RPH3A: variants seen among roughly 807,000 people sequenced by gnomAD.
RPH3A encodes rabphilin 3A, also known as rabphilin-3A.
Under a neutral mutation model 102.2 loss-of-function variants are expected in RPH3A, and 48 were observed. The ratio of observed to expected loss-of-function variants is 0.47; its 90% CI spans 0.37 to 0.60. The LOEUF is 0.60. Among genes scored for constraint, RPH3A ranks in the 20% least tolerant of loss-of-function variants. RPH3A has a pLI of 0.00. For missense variants in RPH3A, 781 were observed against 910.1 expected (o/e 0.86, Z 1.83); for synonymous variants, 310 against 324.3 (o/e 0.96, Z 0.47).
In RPH3A at chr12:112,661,818, A is replaced by G. The variant is rs547563070; in HGVS notation, c.-140+86499A>G. ...CACTTCCGCTGATTAAAATGAAAAC[A>G]CTTTGTTTCTGTGGCAGCATTGAAC... is the stretch of plus-strand genomic sequence containing the variant. On this transcript the variant is annotated intron_variant, in intron 1 of 21. Coordinates refer to the RPH3A transcript ENST00000543106. Among the ~76,000 whole-genome samples, 20 of 152,082 alleles carry G rather than the reference A, an allele frequency of 1.3e-4. No homozygotes were observed. The South Asian group carries it at 4.0e-3, about 30-fold the overall frequency.
At chr12:112,747,281 T>C (rs2040755190) in intron 1 of RPH3A, among the ~76,000 whole-genome samples, 1 of 152,180 alleles carries the variant, frequency 6.6e-6, no homozygotes. Flanking sequence ...TTAGTGCTCT[T>C]ATGAAAGAGG....
chr12:112,655,303 A>G (rs1489555499), intron 1 of RPH3A, among the ~76,000 whole-genome samples: 2 of 152,222 alleles, frequency 1.3e-5, no homozygotes, highest in African/African-American at 4.8e-5. Flanking sequence ...AATTCTTCAC[A>G]TCAGCACTTG....
chr12:112,824,110 T>C (rs937869189), intron 2 of RPH3A, among the ~76,000 whole-genome samples: 2 of 152,064 alleles, frequency 1.3e-5, no homozygotes, highest in African/African-American at 4.8e-5. Context: ...AGGAACCTGC[T>C]AGGGAATGAG....
chr12:112,752,968 C>CTTTT (rs3037266), intron 1 of RPH3A, among the ~76,000 whole-genome samples: 23 of 118,878 alleles, frequency 1.9e-4, no homozygotes, highest in East Asian at 5.1e-4. Flanking sequence ...GTCCAGTTTT[C>CTTTT]TTTTTTTTTT....
At chr12:112,875,362 G>A (rs2042777668) in intron 11 of RPH3A, among the ~76,000 whole-genome samples, 192 bp downstream of exon 11, 2 of 152,222 alleles carry the variant, frequency 1.3e-5, no homozygotes, top group South Asian at 4.2e-4. Context: ...GTGGGAGGAG[G>A]AGGCAGGGAG....
intron 10 of RPH3A, among the ~76,000 whole-genome samples, chr12:112,870,391 T>C (rs890770602): frequency 2.0e-5 from 3 of 150,730 alleles, no homozygotes; most frequent in African/African-American, 4.9e-5. Flanking sequence ...CTCAAAGATC[T>C]CTCCAAGTCT....
At chr12:112,866,895 T>A in intron 7 of RPH3A, 55 bp downstream of exon 7, 1 of 1,398,486 alleles carries the variant, frequency 7.2e-7, no homozygotes, top group South Asian at 1.2e-5. Flanking sequence ...TTGGCCAGCT[T>A]AAGAGGTGCC....
chr12:112,775,862 A>C (rs543551652), intron 1 of RPH3A, among the ~76,000 whole-genome samples: 1 of 152,324 alleles, frequency 6.6e-6, no homozygotes, highest in South Asian at 2.1e-4. Flanking sequence ...GTCCTTTTCC[A>C]GGGGTAGATT....
At chr12:112,613,946 A>C (rs2039657890) in intron 1 of RPH3A, among the ~76,000 whole-genome samples, 1 of 152,206 alleles carries the variant, frequency 6.6e-6, no homozygotes, top group East Asian at 1.9e-4. Context: ...CCTGTCTCTA[A>C]AGAAAAGCAA....
At chr12:112,807,560 T>A (rs921062678) in intron 2 of RPH3A, among the ~76,000 whole-genome samples, 1 of 152,194 alleles carries the variant, frequency 6.6e-6, no homozygotes, top group Non-Finnish European at 1.5e-5. Context: ...AGTTTCTTCA[T>A]GTGGGAAATG....
At chr12:112,746,731 CTCTCTG>C (rs889179415) in intron 1 of RPH3A, among the ~76,000 whole-genome samples, 4 of 152,176 alleles carry the variant, frequency 2.6e-5, no homozygotes, top group Non-Finnish European at 5.9e-5. Flanking sequence ...TTCGGCCCTG[CTCTCTG>C]TCTCTGTCTG....
intron 1 of RPH3A, among the ~76,000 whole-genome samples, chr12:112,707,383 A>G (rs1366523570): frequency 2.6e-5 from 4 of 152,176 alleles, no homozygotes; most frequent in Non-Finnish European, 5.9e-5. Flanking sequence ...TTGACTTCTC[A>G]CACCAACCCC....
chr12:112,821,555 C>A (rs560413548), intron 2 of RPH3A, among the ~76,000 whole-genome samples: 1 of 152,288 alleles, frequency 6.6e-6, no homozygotes, highest in East Asian at 1.9e-4. Flanking sequence ...GAAATGCTCT[C>A]CCCCAGATGG....
upstream of RPH3A, among the ~76,000 whole-genome samples, chr12:112,790,264 G>A (rs1369826158): frequency 6.6e-6 from 1 of 152,098 alleles, no homozygotes; most frequent in Non-Finnish European, 1.5e-5. Context: ...CACCATGTTG[G>A]CCAGGCTGAT....
chr12:112,635,219 A>G lies in RPH3A; in HGVS notation c.-140+59900A>G, dbSNP rs2039839443. The stretch of plus-strand genomic sequence containing the variant: ...AACCAAGTGGGTGTGGCTGTGTTAC[A>G]ATAAAACTTTATTTACAGAAACAGG... On this transcript the variant is annotated intron_variant, in intron 1 of 21. Transcript: ENST00000543106. Among the ~76,000 whole-genome samples, 20 of 152,202 alleles carry G rather than the reference A, an allele frequency of 1.3e-4. 1 individual carries two copies. Among genetic ancestry groups the G allele is most frequent in the Admixed American group, 1.3e-3 (20 of 15,278 alleles).
chr12:112,788,204 A>G (rs532775388), upstream of RPH3A, among the ~76,000 whole-genome samples: 7 of 152,344 alleles, frequency 4.6e-5, no homozygotes, highest in South Asian at 1.5e-3. Flanking sequence ...TAGTTCCTAG[A>G]TGGCATGGTG....
At chr12:112,610,577 A>C (rs1347434531) in intron 1 of RPH3A, among the ~76,000 whole-genome samples, 2 of 151,048 alleles carry the variant, frequency 1.3e-5, no homozygotes, top group South Asian at 4.2e-4. Context: ...TCTGCAGTCC[A>C]TTATCTTATT....
chr12:112,869,678 C>A, intron 8 of RPH3A, 81 bp from the exon 9 acceptor site: 1 of 1,314,302 alleles, frequency 7.6e-7, no homozygotes, highest in Non-Finnish European at 1.1e-6. Context: ...GTCAATGAAC[C>A]CCTTTGTAGG....
At position 112,857,024 on chromosome 12, in the gene RPH3A, T is replaced by G. The variant is rs534131913; in HGVS notation, c.231-8390T>G. 8.6e-5 allele frequency among the ~76,000 whole-genome samples: 13 copies of G among 151,946 alleles called. No homozygotes were observed. The South Asian group carries it at 2.7e-3, about 32-fold the overall frequency. ...GTCATAACTGCTTCCTACTAAATCC[T>G]GAAAGTGAGCACATCTGCAGGGGTG... On this transcript the variant is annotated intron_variant, in intron 5 of 21. Transcript: ENST00000389385.
Sources: allele counts gnomAD v4.1 joint callset (sites outside exome capture counted in the v4.1 genomes callset), GRCh38; gene constraint gnomAD v4.1.1; transcripts MANE v1.5; gene names NCBI Gene and HGNC (gene_info 2026-07-23, HGNC 2026-07-21).